Variants in ATXN1 observed in about 807,000 individuals in gnomAD.
ATXN1 encodes ataxin 1.
A neutral mutation model predicts 56.4 loss-of-function variants in ATXN1; 8 were observed. The observed-to-expected ratio is 0.14, with a 90% CI of 0.08 to 0.26. The LOEUF (loss-of-function observed/expected upper bound fraction) is 0.26. Ranked by LOEUF, ATXN1 falls within the 10% of genes least tolerant of loss-of-function variation. The pLI, the probability that ATXN1 is intolerant of heterozygous loss-of-function variation, is 1.00. For missense variants in ATXN1, 987 were observed against 1,106.5 expected, an observed-to-expected ratio of 0.89 and a Z score of 1.53; for synonymous variants, 514 against 494.6, an observed-to-expected ratio of 1.04 and a Z score of -0.52.
chr6:16,370,079 T>C (rs1331396527), intron 6 of ATXN1, among the ~76,000 whole-genome samples: 1 of 152,148 alleles, frequency 6.6e-6, no homozygotes, highest in African/African-American at 2.4e-5. Flanking sequence ...TCAAAGCCCC[T>C]TCACACACAT....
Position 16,328,051 on chromosome 6 carries a change from T to C in ATXN1, c.260A>G (p.Tyr87Cys). The C allele has an allele frequency of 3.7e-6, 6 of 1,612,128 alleles. No homozygotes were observed. Among genetic ancestry groups the C allele is most frequent in the Non-Finnish European group, 5.1e-6 (6 of 1,179,388 alleles). Residue 87 changes from tyrosine (Y) to cysteine (C), a missense_variant, in exon 7 of 8, where the codon TAC (tyrosine) becomes TGC (cysteine). This residue lies in a region of ATXN1 where 723 missense variants were observed against 791.7 expected (regional missense o/e 0.91). Coordinates refer to ENST00000436367, the MANE Select transcript of ATXN1 (RefSeq NM_001128164.2). The surrounding 1 kb of genome is among the most constrained non-coding windows in gnomAD (Gnocchi z 6.2). ...LHKALSTGLD[Y>C]SPPSAPRSVP... ...AGACCTGGGAGCGCTGGGCGGGGAG[T>C]AGTCCAGCCCTGTGGACAATGCTTT...
rs1396435007 is a variant in ATXN1, at chr6:16,579,953, A to G, written c.-361+5827T>C. Among the ~76,000 whole-genome samples, 4 of 152,198 alleles carry G rather than the reference A, an allele frequency of 2.6e-5. No homozygotes were observed. The East Asian group carries it at 7.7e-4, about 29-fold the overall frequency. On this transcript the variant is annotated intron_variant, in intron 4 of 7. Transcript: ENST00000436367. ...AACTACCTTCCCAAATTTTACTAAAACATTCAGCAAAAATCTAAAAAATTA... is the reference window on the plus strand; with the variant it reads ...AACTACCTTCCCAAATTTTACTAAAGCATTCAGCAAAAATCTAAAAAATTA...
At chr6:16,430,276 G>C (rs1002897606) in intron 6 of ATXN1, among the ~76,000 whole-genome samples, 3 of 151,732 alleles carry the variant, frequency 2.0e-5, no homozygotes, top group Non-Finnish European at 4.4e-5. Flanking sequence ...TTGGAATAAG[G>C]CTATATGATT....
chr6:16,759,482 C>T (rs1336229353), intron 1 of ATXN1, among the ~76,000 whole-genome samples: 1 of 136,028 alleles, frequency 7.4e-6, no homozygotes, highest in East Asian at 2.4e-4. Context: ...AATAGCTTGC[C>T]TTTCTTGTTA....
chr6:16,680,201 T>G (rs1417822649), intron 2 of ATXN1, among the ~76,000 whole-genome samples: 1 of 152,198 alleles, frequency 6.6e-6, no homozygotes. Flanking sequence ...CTCTTTGCTC[T>G]GTACTCTTGT....
intron 6 of ATXN1, among the ~76,000 whole-genome samples, chr6:16,461,221 C>G (rs918649303): frequency 2.0e-5 from 3 of 152,226 alleles, no homozygotes; most frequent in Non-Finnish European, 4.4e-5. Context: ...CCCCAGTACT[C>G]CCTGATCGAA....
chr6:16,528,830 G>A (rs1305875565), intron 4 of ATXN1, among the ~76,000 whole-genome samples: 1 of 152,122 alleles, frequency 6.6e-6, no homozygotes, highest in African/African-American at 2.4e-5. Context: ...GAGCTCCCTG[G>A]CAACATGCAC....
At chr6:16,657,962 G>A (rs1337629823) in intron 2 of ATXN1, 61 bp from the exon 3 acceptor site, 1 of 152,152 alleles carries the variant, frequency 6.6e-6, no homozygotes, top group Non-Finnish European at 1.5e-5. Flanking sequence ...AGCAGTTAGT[G>A]GATATTCAGG....
chr6:16,424,198 T>G (rs1362758427), intron 6 of ATXN1, among the ~76,000 whole-genome samples: 1 of 152,146 alleles, frequency 6.6e-6, no homozygotes, highest in Non-Finnish European at 1.5e-5. Context: ...TTGTTTCTTT[T>G]GTCATGGTTG....
At position 16,569,871 on chromosome 6, in the gene ATXN1, G is replaced by A. The variant is rs141567259; in HGVS notation, c.-361+15909C>T. On this transcript the variant is annotated intron_variant, in intron 4 of 7. Coordinates refer to ENST00000436367, the MANE Select transcript of ATXN1 (RefSeq NM_001128164.2). Reference sequence around the variant, plus strand: ...CTCCCAGGAGACTGCTCACTCTCTCGCTTCCCCACTTCTCTCTTCTGCCAG... The same window carrying A: ...CTCCCAGGAGACTGCTCACTCTCTCACTTCCCCACTTCTCTCTTCTGCCAG... Among the ~76,000 whole-genome samples the A allele has an allele frequency of 5.9e-5, 9 of 152,188 alleles. No individual in the cohort carries two copies. The East Asian group carries it at 1.2e-3, about 20-fold the overall frequency.
rs570377103 is a variant in ATXN1 at position 16,343,356 on chromosome 6, AAAT to A, written c.-160-14889_-160-14887del. 2.6e-5 allele frequency among the ~76,000 whole-genome samples: 4 copies of A among 152,240 alleles called. No homozygotes were observed. The South Asian group carries it at 6.2e-4, about 24-fold the overall frequency. On this transcript the variant is annotated intron_variant, in intron 6 of 7. Coordinates refer to ENST00000436367, the MANE Select transcript of ATXN1 (RefSeq NM_001128164.2). ...GAGACTCTGTCTCAAATAAATAAAT[AAAT>A]AAATATGTCATGATCTTAAAAGTTT...
chr6:16,691,519 A>G (rs973915132), intron 2 of ATXN1, among the ~76,000 whole-genome samples: 1 of 152,262 alleles, frequency 6.6e-6, no homozygotes, highest in African/African-American at 2.4e-5. Flanking sequence ...GAAAGCACCT[A>G]TTAAGCTGTT....
intron 6 of ATXN1, among the ~76,000 whole-genome samples, chr6:16,419,096 A>C (rs1758976532): frequency 6.6e-6 from 1 of 152,118 alleles, no homozygotes; most frequent in African/African-American, 2.4e-5. Context: ...CATATGTCTT[A>C]CAACTGTCAT....
intron 6 of ATXN1, among the ~76,000 whole-genome samples, chr6:16,395,658 G>C (rs929119224): frequency 9.2e-5 from 14 of 152,212 alleles, no homozygotes; most frequent in African/African-American, 3.4e-4. Context: ...CTATGTTACT[G>C]GTTTGTGTAT....
chr6:16,515,551 G>T (rs891028249), intron 5 of ATXN1, among the ~76,000 whole-genome samples: 1 of 152,114 alleles, frequency 6.6e-6, no homozygotes, highest in Non-Finnish European at 1.5e-5. Flanking sequence ...GTGGTTGAGG[G>T]GTCCCCATTC....
chr6:16,386,935 G>A (rs1581728704), intron 6 of ATXN1, among the ~76,000 whole-genome samples: 1 of 152,258 alleles, frequency 6.6e-6, no homozygotes, highest in Non-Finnish European at 1.5e-5. Context: ...GCCTCCCAAA[G>A]TGCTAGGATT....
chr6:16,544,992 C>T (rs2113721230), intron 4 of ATXN1, among the ~76,000 whole-genome samples: 1 of 152,266 alleles, frequency 6.6e-6, no homozygotes, highest in East Asian at 1.9e-4. Flanking sequence ...TATAAAACAA[C>T]ACCAAGGTCT....
At chr6:16,372,303 A>C (rs1179985548) in intron 6 of ATXN1, among the ~76,000 whole-genome samples, 3 of 152,214 alleles carry the variant, frequency 2.0e-5, no homozygotes, top group Non-Finnish European at 2.9e-5. Context: ...GGAAATTAAA[A>C]GAAGCCAGAG....
At chr6:16,412,986 T>C (rs1014231868) in intron 6 of ATXN1, among the ~76,000 whole-genome samples, 3 of 152,242 alleles carry the variant, frequency 2.0e-5, no homozygotes, top group Non-Finnish European at 2.9e-5. Flanking sequence ...CTCTGTCCTA[T>C]AGTTTTCTAG....
Sources: gnomAD v4.1 joint callset for allele counts (sites outside exome capture counted in the v4.1 genomes callset) on GRCh38, gnomAD v4.1.1 for gene constraint, gnomAD v4.1.1 regional missense constraint, Gnocchi (gnomAD v3.1) non-coding constraint, MANE v1.5 for transcripts, NCBI Gene and HGNC (gene_info 2026-07-23, HGNC 2026-07-21) for gene names.